CNTNAP4: variants seen among roughly 807,000 people sequenced by gnomAD.
The protein encoded by CNTNAP4 is contactin associated protein family member 4.
Under a neutral mutation model 148.4 loss-of-function variants are expected in CNTNAP4, and 98 were observed. The ratio of observed to expected loss-of-function variants is 0.66; its 90% CI spans 0.56 to 0.78. The LOEUF is 0.78. Among genes scored for constraint, CNTNAP4 ranks in the 30% least tolerant of loss-of-function variants. The pLI, the probability that CNTNAP4 is intolerant of heterozygous loss-of-function variation, is 0.00. For synonymous variants in CNTNAP4, 730 were observed against 565.1 expected (o/e 1.29, Z -4.14); for missense variants, 1,935 against 1,565.6 (o/e 1.24, Z -3.98).
chr16:76,447,469 G>A (rs1490909028), intron 4 of CNTNAP4, among the ~76,000 whole-genome samples: 1 of 151,910 alleles, frequency 6.6e-6, no homozygotes, highest in Middle Eastern at 3.2e-3. Context: ...GTGTCAATAG[G>A]GAATTAGATG....
At chr16:76,518,116 A>G (rs2083318277) in intron 15 of CNTNAP4, among the ~76,000 whole-genome samples, 1 of 151,786 alleles carries the variant, frequency 6.6e-6, no homozygotes, top group Non-Finnish European at 1.5e-5. Context: ...GTTTCTAGAA[A>G]ATTATTATTT....
At chr16:76,326,180 A>G (rs1258485038) in intron 2 of CNTNAP4, among the ~76,000 whole-genome samples, 2 of 152,328 alleles carry the variant, frequency 1.3e-5, no homozygotes, top group African/African-American at 2.4e-5. Context: ...AGAAAGGAAA[A>G]TTAAAAGCCA....
At chr16:76,347,959 T>A (rs1158529327) in intron 2 of CNTNAP4, among the ~76,000 whole-genome samples, 2 of 152,124 alleles carry the variant, frequency 1.3e-5, no homozygotes, top group African/African-American at 4.8e-5. Context: ...ACAGGTATAA[T>A]ATTTCACACC....
At chr16:76,496,344 C>T (rs4283250) in intron 14 of CNTNAP4, among the ~76,000 whole-genome samples, 127,305 of 151,992 alleles carry the variant, frequency 0.84, 54,226 homozygotes, top group East Asian at 0.97. Flanking sequence ...ATCAATAACT[C>T]TCCAATGCCT....
chr16:76,513,951 A>G (rs2083129615), intron 15 of CNTNAP4, among the ~76,000 whole-genome samples: 1 of 152,180 alleles, frequency 6.6e-6, no homozygotes, highest in Admixed American at 6.5e-5. Context: ...TTTTTGAATA[A>G]ATGAATTTGG....
chr16:76,462,123 G>A lies in CNTNAP4; in HGVS notation c.1483+18G>A, dbSNP rs781176280. On this transcript the variant is annotated intron_variant, in intron 9 of 23. Transcript: ENST00000611870. Reference sequence around the variant, plus strand: ...TTTTGGAGGTAAGAATAGGTGCCAGGCTCTATGAGCAACTGAACCATATTT... The same window carrying A: ...TTTTGGAGGTAAGAATAGGTGCCAGACTCTATGAGCAACTGAACCATATTT... The A allele has an allele frequency of 1.2e-6, 2 of 1,602,214 alleles. No homozygotes were observed. The highest frequency in any genetic ancestry group is 1.7e-5 in the Admixed American group (1 of 59,092).
At chr16:76,407,184 A>G (rs1280564761) in intron 3 of CNTNAP4, among the ~76,000 whole-genome samples, 1 of 152,116 alleles carries the variant, frequency 6.6e-6, no homozygotes, top group African/African-American at 2.4e-5. Context: ...GCACAGGCAG[A>G]TGACAGCACA....
At chr16:76,326,545 A>G (rs894815090) in intron 2 of CNTNAP4, among the ~76,000 whole-genome samples, 71 of 152,148 alleles carry the variant, frequency 4.7e-4, no homozygotes, top group African/African-American at 1.7e-3. Context: ...CTTGGAACCA[A>G]TCCAAATGTC....
At chr16:76,453,037 A>G (rs572072612) in intron 8 of CNTNAP4, among the ~76,000 whole-genome samples, 10 of 152,334 alleles carry the variant, frequency 6.6e-5, no homozygotes, top group African/African-American at 2.2e-4. Context: ...CTCCAGACAA[A>G]GAACATATCC....
At chr16:76,307,927 A>C (rs1467807630) in intron 1 of CNTNAP4, among the ~76,000 whole-genome samples, 1 of 152,194 alleles carries the variant, frequency 6.6e-6, no homozygotes, top group Non-Finnish European at 1.5e-5. Flanking sequence ...CTCCAAATGA[A>C]AGCTTAGGTC....
chr16:76,380,742 G>A (rs911828948), intron 3 of CNTNAP4, among the ~76,000 whole-genome samples: 6 of 152,082 alleles, frequency 3.9e-5, no homozygotes, highest in East Asian at 1.9e-4. Context: ...AGAACACCAC[G>A]TACTTAAACC....
chr16:76,540,848 A>G, intron 21 of CNTNAP4, 58 bp downstream of exon 21: 1 of 1,230,934 alleles, frequency 8.1e-7, no homozygotes, highest in East Asian at 2.7e-5. Flanking sequence ...ATAAGCATGG[A>G]TCAGAAAAGT....
chr16:76,327,656 C>T (rs1963126734), intron 2 of CNTNAP4, among the ~76,000 whole-genome samples: 1 of 152,138 alleles, frequency 6.6e-6, no homozygotes, highest in Non-Finnish European at 1.5e-5. Flanking sequence ...CCCTATGGCT[C>T]CTCTGATATT....
At chr16:76,383,478 A>T (rs2016201607) in intron 3 of CNTNAP4, among the ~76,000 whole-genome samples, 1 of 150,438 alleles carries the variant, frequency 6.6e-6, no homozygotes, top group Non-Finnish European at 1.5e-5. Context: ...AAATGGGGCC[A>T]TTTTTTTTTC....
At chr16:76,344,110 C>A (rs1039134953) in intron 2 of CNTNAP4, among the ~76,000 whole-genome samples, 1 of 152,136 alleles carries the variant, frequency 6.6e-6, no homozygotes, top group South Asian at 2.1e-4. Context: ...GCATACCACC[C>A]TATCAGTCTA....
At chr16:76,318,641 G>A (rs1358735886) in intron 2 of CNTNAP4, among the ~76,000 whole-genome samples, 2 of 150,812 alleles carry the variant, frequency 1.3e-5, no homozygotes, top group Admixed American at 6.6e-5. Context: ...ATTTATTAAA[G>A]GCTATATTTT....
At chr16:76,383,905 A>C (rs1479491127) in intron 3 of CNTNAP4, among the ~76,000 whole-genome samples, 1 of 152,148 alleles carries the variant, frequency 6.6e-6, no homozygotes, top group Non-Finnish European at 1.5e-5. Flanking sequence ...TGTTCTCTCT[A>C]CTTGGTTCTA....
intron 2 of CNTNAP4, among the ~76,000 whole-genome samples, chr16:76,334,117 C>T (rs1411773484): frequency 6.6e-6 from 1 of 151,674 alleles, no homozygotes; most frequent in East Asian, 1.9e-4. Context: ...ACCAACATGG[C>T]ACATGTATAC....
At chr16:76,496,061 TATATC>T (rs1289993339) in intron 14 of CNTNAP4, among the ~76,000 whole-genome samples, 22 of 144,344 alleles carry the variant, frequency 1.5e-4, no homozygotes, top group African/African-American at 4.1e-4. Context: ...CAGATTATGT[TATATC>T]ATAAACATCA....
Sources: allele counts gnomAD v4.1 joint callset (sites outside exome capture counted in the v4.1 genomes callset), GRCh38; gene constraint gnomAD v4.1.1; transcripts MANE v1.5; gene names NCBI Gene and HGNC (gene_info 2026-07-23, HGNC 2026-07-21).